MTM1: variants seen among roughly 807,000 people sequenced by gnomAD.
MTM1 encodes myotubularin.
Under a neutral mutation model 52.1 loss-of-function variants are expected in MTM1, and 9 were observed. That is an observed-to-expected ratio of 0.17 (90% CI 0.10 to 0.30). The LOEUF is 0.30. MTM1 is among the 10% of genes least tolerant of loss of function. MTM1 has a pLI of 1.00. For missense variants in MTM1, 277 were observed against 470.7 expected, an observed-to-expected ratio of 0.59 and a Z score of 3.81; for synonymous variants, 136 against 163.8, an observed-to-expected ratio of 0.83 and a Z score of 1.29.
At chrX:150,588,544 T>C (rs1045952238) in intron 1 of MTM1, among the ~76,000 whole-genome samples, 5 of 111,840 alleles carry the variant, frequency 4.5e-5, no homozygotes, top group African/African-American at 1.3e-4. Context: ...TGTATTGTTG[T>C]TTTTCATATT....
At chrX:150,649,949 T>C in intron 10 of MTM1, 48 bp downstream of exon 10, 1 of 1,097,956 alleles carries the variant, frequency 9.1e-7, no homozygotes, top group East Asian at 3.0e-5. Flanking sequence ...AAGAATGTAA[T>C]TGTTTAGTGG....
At chrX:150,634,364 G>T (rs1309528671) in intron 6 of MTM1, among the ~76,000 whole-genome samples, 1 of 112,000 alleles carries the variant, frequency 8.9e-6, no homozygotes, top group Non-Finnish European at 1.9e-5. Context: ...TTATATAGGT[G>T]CCATTTAAAA....
At position 150,587,718 on chromosome X, in the gene MTM1, A is replaced by G. The variant is rs191998028; in HGVS notation, c.-10-4887A>G. Among the ~76,000 whole-genome samples, 182 of 111,749 alleles carry G rather than the reference A, an allele frequency of 1.6e-3. 2 individuals carry two copies. The highest frequency in any genetic ancestry group is 4.4e-3 in the Admixed American group (47 of 10,566). On this transcript the variant is annotated intron_variant, in intron 1 of 14. Coordinates refer to ENST00000370396, the MANE Select transcript of MTM1 (RefSeq NM_000252.3). ...AGCTACTTTAATGCAAAAAATCAGAATAAATTTATAGTAAATCCTGTGTTT... is the reference window on the plus strand; with the variant it reads ...AGCTACTTTAATGCAAAAAATCAGAGTAAATTTATAGTAAATCCTGTGTTT...
At chrX:150,627,274 C>T (rs1176588220) in intron 6 of MTM1, among the ~76,000 whole-genome samples, 1 of 111,413 alleles carries the variant, frequency 9.0e-6, no homozygotes, top group Non-Finnish European at 1.9e-5. Flanking sequence ...ACTATCCCAC[C>T]CCTTCCTTGC....
At chrX:150,635,214 C>T (rs1557413682) in intron 6 of MTM1, among the ~76,000 whole-genome samples, 2 of 112,253 alleles carry the variant, frequency 1.8e-5, no homozygotes, top group Non-Finnish European at 3.8e-5. Flanking sequence ...GGGACTGAAT[C>T]GTTCTTGAAT....
chrX:150,629,766 C>T (rs1557413503), intron 6 of MTM1, among the ~76,000 whole-genome samples: 2 of 111,600 alleles, frequency 1.8e-5, no homozygotes, highest in Non-Finnish European at 3.8e-5. Flanking sequence ...AAAGGGTATA[C>T]AGGAAAAAAT....
chrX:150,564,456 C>T (rs2038237992), upstream of MTM1, among the ~76,000 whole-genome samples: 1 of 111,649 alleles, frequency 9.0e-6, no homozygotes, highest in Admixed American at 9.5e-5. Context: ...GATCTCGGCT[C>T]AGTGCAACCT....
intron 1 of MTM1, among the ~76,000 whole-genome samples, chrX:150,591,421 A>T (rs73620628): frequency 1.4e-3 from 153 of 112,322 alleles, no homozygotes; most frequent in African/African-American, 4.8e-3. Context: ...GTAGTGTTGA[A>T]CTCTCACGGG....
chrX:150,597,498 G>A (rs960991044), intron 3 of MTM1, among the ~76,000 whole-genome samples: 1 of 111,638 alleles, frequency 9.0e-6, no homozygotes, highest in Non-Finnish European at 1.9e-5. Context: ...TTGGTGGTAG[G>A]TATCAGCGCC....
chrX:150,642,642 C>A (rs1316307862), intron 8 of MTM1, among the ~76,000 whole-genome samples: 1 of 111,681 alleles, frequency 9.0e-6, no homozygotes, highest in African/African-American at 3.3e-5. Context: ...CAGACTACAC[C>A]CCTACCCTGG....
chrX:150,672,611 A>G lies in MTM1; in HGVS notation c.*1016A>G, dbSNP rs1163372820. 8.9e-6 allele frequency: 1 copy of G among 112,168 alleles called. No homozygotes were observed. Among genetic ancestry groups the G allele is most frequent in the African/African-American group, 3.2e-5 (1 of 30,869 alleles). The allele number at this position is 112,168 out of a possible 1,213,427, so 9.2% of individuals were successfully genotyped here. A position where few individuals can be genotyped will look rare whatever the true frequency, so the allele number is the denominator to read the frequency against. On this transcript the variant is annotated 3_prime_UTR_variant, in exon 15 of 15. Coordinates refer to ENST00000370396, the MANE Select transcript of MTM1 (RefSeq NM_000252.3). ...CTTCCCCTCCCCACCCCACGCGTGC[A>G]TAAAAACTGGTTCTACAAATTTTTA...
At chrX:150,641,738 C>A (rs1432179566) in intron 8 of MTM1, among the ~76,000 whole-genome samples, 1 of 111,392 alleles carries the variant, frequency 9.0e-6, no homozygotes, top group Non-Finnish European at 1.9e-5. Context: ...CTTTGTGGCA[C>A]AGTACATGAT....
intron 9 of MTM1, among the ~76,000 whole-genome samples, chrX:150,648,742 TGTA>T (rs1278462426): frequency 8.9e-6 from 1 of 112,858 alleles, no homozygotes; most frequent in Non-Finnish European, 1.9e-5. Flanking sequence ...AGTTAATACT[TGTA>T]GTTGCTGCAG....
At chrX:150,649,981 CT>C in intron 10 of MTM1, 80 bp downstream of exon 10, 2 of 938,386 alleles carry the variant, frequency 2.1e-6, no homozygotes, top group Non-Finnish European at 3.0e-6. Flanking sequence ...TTTTAAATTC[CT>C]TAAAAAAATG....
intron 7 of MTM1, among the ~76,000 whole-genome samples, chrX:150,640,090 C>G (rs1012473182): frequency 7.2e-5 from 8 of 111,493 alleles, no homozygotes; most frequent in Non-Finnish European, 1.1e-4. Context: ...TGCACTACTC[C>G]CATTTTAATG....
chrX:150,589,750 CTTT>C (rs781783631), intron 1 of MTM1, among the ~76,000 whole-genome samples: 6 of 91,883 alleles, frequency 6.5e-5, no homozygotes, highest in Non-Finnish European at 4.4e-5. Flanking sequence ...TCATTATTGT[CTTT>C]TTTTTTTTTT....
intron 7 of MTM1, 108 bp downstream of exon 7, chrX:150,639,134 A>G: frequency 1.6e-6 from 1 of 642,047 alleles, no homozygotes; most frequent in Non-Finnish European, 2.6e-6. Flanking sequence ...CTTGCTAAAT[A>G]TCTTTTCAAT....
chrX:150,663,821 T>G (rs1557414825), intron 14 of MTM1, among the ~76,000 whole-genome samples: 1 of 112,065 alleles, frequency 8.9e-6, no homozygotes, highest in African/African-American at 3.2e-5. Flanking sequence ...TGTGATATAA[T>G]TGTTTACTAT....
upstream of MTM1, among the ~76,000 whole-genome samples, chrX:150,565,687 G>C (rs1557411202): frequency 9.0e-6 from 1 of 111,635 alleles, no homozygotes; most frequent in African/African-American, 3.3e-5. Context: ...GGCTCCTCCT[G>C]GTGCTGCCTA....
Sources: allele counts gnomAD v4.1 joint callset (sites outside exome capture counted in the v4.1 genomes callset), GRCh38; gene constraint gnomAD v4.1.1; transcripts MANE v1.5; gene names NCBI Gene and HGNC (gene_info 2026-07-23, HGNC 2026-07-21).